Variants in MACROD2 observed in about 807,000 individuals in gnomAD.
MACROD2 encodes ADP-ribose glycohydrolase MACROD2.
In MACROD2, 36 loss-of-function variants were observed where a neutral mutation model predicts 70.4. The observed-to-expected ratio is 0.51, with a 90% CI of 0.39 to 0.68. The LOEUF (loss-of-function observed/expected upper bound fraction) is 0.68, where lower values mean the gene tolerates loss of function less well. MACROD2 is among the 30% of genes least tolerant of loss of function. MACROD2 has a pLI of 0.00. For synonymous variants in MACROD2, 172 were observed against 178.8 expected (o/e 0.96, Z 0.30); for missense variants, 496 against 538.4 (o/e 0.92, Z 0.78).
chr20:14,347,120 GAA>G (rs910437956), intron 3 of MACROD2, among the ~76,000 whole-genome samples: 1 of 152,200 alleles, frequency 6.6e-6, no homozygotes, highest in African/African-American at 2.4e-5. Flanking sequence ...GCAGCTAGAG[GAA>G]AAGTTTTTGA....
rs909746813 is a variant in MACROD2, at chr20:14,045,309, C to T, written c.164-40312C>T. On this transcript the variant is annotated intron_variant, in intron 2 of 17. Coordinates refer to ENST00000684519, the MANE Select transcript of MACROD2 (RefSeq NM_001351661.2). ...ACGTCGAGGAGGCGCCGAGAGCAAG[C>T]GAGGGCTGCCAGGGCTGCCAGCATG... Among the ~76,000 whole-genome samples, 74 of 152,218 alleles carry T rather than the reference C, an allele frequency of 4.9e-4. 1 individual carries two copies. The highest frequency in any genetic ancestry group is 9.6e-4 in the East Asian group (5 of 5,182).
chr20:15,552,724 C>G (rs770434349), intron 8 of MACROD2: 5 of 152,202 alleles, frequency 3.3e-5, no homozygotes, highest in Non-Finnish European at 5.9e-5. Flanking sequence ...AAGGGCATCC[C>G]TTAATCAATA....
intron 4 of MACROD2, among the ~76,000 whole-genome samples, chr20:14,544,989 G>T (rs1345509303): frequency 6.6e-6 from 1 of 152,160 alleles, no homozygotes; most frequent in Non-Finnish European, 1.5e-5. Flanking sequence ...TGCCTGAAAT[G>T]GTAAGAGCTG....
At chr20:15,219,008 T>G (rs1361963438) in intron 5 of MACROD2, among the ~76,000 whole-genome samples, 3 of 151,856 alleles carry the variant, frequency 2.0e-5, no homozygotes, top group Admixed American at 6.6e-5. Context: ...ATAGCGCCAC[T>G]GCACTCCAGC....
At chr20:14,319,782 T>G (rs1326074458) in intron 3 of MACROD2, among the ~76,000 whole-genome samples, 3 of 152,128 alleles carry the variant, frequency 2.0e-5, no homozygotes, top group Non-Finnish European at 4.4e-5. Context: ...AATCCCCCCC[T>G]TTTTGTTTGT....
At chr20:15,355,059 A>G (rs535030114) in intron 6 of MACROD2, among the ~76,000 whole-genome samples, 1 of 152,328 alleles carries the variant, frequency 6.6e-6, no homozygotes, top group East Asian at 1.9e-4. Context: ...CATAGTTGGG[A>G]CTGATGTTCT....
chr20:15,406,953 G>A (rs1187587586), intron 6 of MACROD2, among the ~76,000 whole-genome samples: 3 of 152,168 alleles, frequency 2.0e-5, no homozygotes. Context: ...CTTGGAGAAA[G>A]ATTGAGCAAG....
chr20:15,333,326 C>G (rs775713591), intron 6 of MACROD2, among the ~76,000 whole-genome samples: 8 of 151,662 alleles, frequency 5.3e-5, no homozygotes, highest in Non-Finnish European at 7.4e-5. Flanking sequence ...AGCCTCTTTT[C>G]TGCTGCCTCT....
chr20:14,275,211 T>C (rs184019815), intron 3 of MACROD2, among the ~76,000 whole-genome samples: 3 of 152,144 alleles, frequency 2.0e-5, no homozygotes, highest in African/African-American at 2.4e-5. Flanking sequence ...GGAGGCATCA[T>C]GCTACCTGAC....
chr20:15,565,002 G>A (rs569037025), intron 8 of MACROD2, among the ~76,000 whole-genome samples: 2 of 152,206 alleles, frequency 1.3e-5, no homozygotes, highest in African/African-American at 4.8e-5. Context: ...CCTGGCAAAT[G>A]TACTGGATCC....
At chr20:14,539,493 T>G (rs2085405129) in intron 4 of MACROD2, among the ~76,000 whole-genome samples, 1 of 152,098 alleles carries the variant, frequency 6.6e-6, no homozygotes, top group East Asian at 1.9e-4. Flanking sequence ...ATTTGACCAT[T>G]TAGGGAAGGG....
intron 7 of MACROD2, among the ~76,000 whole-genome samples, chr20:15,439,240 C>T (rs2046465063): frequency 6.6e-6 from 1 of 152,142 alleles, no homozygotes; most frequent in South Asian, 2.1e-4. Context: ...TCTCCAGTAG[C>T]TGCCATTTCT....
intron 5 of MACROD2, among the ~76,000 whole-genome samples, chr20:15,199,007 C>CTTTTT (rs11477634): frequency 8.4e-6 from 1 of 118,626 alleles, no homozygotes; most frequent in Non-Finnish European, 1.7e-5. Context: ...ATCTGGACTT[C>CTTTTT]TTTTTTTTTT....
At chr20:14,802,417 C>T (rs1220334545) in intron 5 of MACROD2, among the ~76,000 whole-genome samples, 1 of 151,914 alleles carries the variant, frequency 6.6e-6, no homozygotes, top group Non-Finnish European at 1.5e-5. Context: ...TTAAATTTTC[C>T]CTTCTGCTAT....
chr20:14,048,549 T>C (rs2053512026), intron 2 of MACROD2, among the ~76,000 whole-genome samples: 1 of 152,180 alleles, frequency 6.6e-6, no homozygotes, highest in Non-Finnish European at 1.5e-5. Context: ...TCAGTTTCAG[T>C]ATTACGACCC....
chr20:15,103,004 A>C (rs1306776928), intron 5 of MACROD2, among the ~76,000 whole-genome samples: 5 of 152,154 alleles, frequency 3.3e-5, no homozygotes, highest in South Asian at 4.1e-4. Context: ...TCTTATTTAG[A>C]CATAAATATA....
intron 5 of MACROD2, among the ~76,000 whole-genome samples, chr20:14,798,625 A>G (rs887294738): frequency 6.6e-6 from 1 of 152,068 alleles, no homozygotes; most frequent in Non-Finnish European, 1.5e-5. Flanking sequence ...AGTAAATATT[A>G]ACTGTGTTAA....
chr20:15,486,537 C>A (rs2047165872), intron 7 of MACROD2, among the ~76,000 whole-genome samples: 1 of 152,120 alleles, frequency 6.6e-6, no homozygotes, highest in Non-Finnish European at 1.5e-5. Flanking sequence ...GGAATAGAGA[C>A]CTGTTTTGCT....
intron 6 of MACROD2, among the ~76,000 whole-genome samples, chr20:15,330,682 G>A (rs1207647904): frequency 2.0e-5 from 3 of 151,672 alleles, no homozygotes; most frequent in Non-Finnish European, 4.4e-5. Context: ...GTTTGGGGTG[G>A]GGTAGTCAAT....
Sources: gnomAD v4.1 joint callset for allele counts (sites outside exome capture counted in the v4.1 genomes callset) on GRCh38, gnomAD v4.1.1 for gene constraint, MANE v1.5 for transcripts, NCBI Gene and HGNC (gene_info 2026-07-23, HGNC 2026-07-21) for gene names.